The following PRR14L variants were observed in gnomAD, a reference collection of about 807,000 sequenced individuals.
PRR14L encodes protein PRR14L.
A neutral mutation model predicts 155.0 loss-of-function variants in PRR14L; 80 were observed. The ratio of observed to expected loss-of-function variants is 0.52; its 90% CI spans 0.43 to 0.62. The LOEUF (loss-of-function observed/expected upper bound fraction) is 0.62, where lower values mean the gene tolerates loss of function less well. PRR14L is among the 20% of genes least tolerant of loss of function. The pLI, the probability that PRR14L is intolerant of heterozygous loss-of-function variation, is 0.00. For missense variants in PRR14L, 2,469 were observed against 2,548.0 expected (o/e 0.97, Z 0.67); for synonymous variants, 883 against 916.0 (o/e 0.96, Z 0.65).
At position 31,693,453 on chromosome 22, in the gene PRR14L, G is replaced by A. The variant is rs558876002; in HGVS notation, c.6108-5226C>T. Among the ~76,000 whole-genome samples the A allele has an allele frequency of 3.3e-5, 5 of 152,250 alleles. No individual in the cohort carries two copies. The East Asian group carries it at 5.8e-4, about 18-fold the overall frequency. On this transcript the variant is annotated intron_variant, in intron 7 of 8. Transcript: ENST00000327423. The stretch of plus-strand genomic sequence containing the variant: ...GTACTGAGTAATATTCCATTGTCCA[G>A]ACAGTTTATTCATTCAGCTACTGAC...
At position 31,716,873 on chromosome 22, in the gene PRR14L, T is replaced by C. The variant is rs940160463; in HGVS notation, c.966A>G (p.Gln322=). Residue 322 remains glutamine, a synonymous_variant, in exon 4 of 9, where the codon CAA becomes CAG. Coordinates refer to ENST00000327423, the MANE Select transcript of PRR14L (RefSeq NM_173566.3). ...TGGGACTATCATGTGTAGAACTGGG[T>C]TGTTCATTATGGTGGCCATGAAGCT... ...HQQLHGHHNE[Q]PSSTHDSPTA... 1.9e-6 allele frequency: 3 copies of C among 1,551,960 alleles called. No individual in the cohort carries two copies. The highest frequency in any genetic ancestry group is 2.6e-6 in the Non-Finnish European group (3 of 1,147,052).
chr22:31,687,482 T>A (rs955693285), intron 8 of PRR14L, among the ~76,000 whole-genome samples: 3 of 150,888 alleles, frequency 2.0e-5, no homozygotes, highest in African/African-American at 7.3e-5. Flanking sequence ...GCCTCCCAAA[T>A]AGCTGGGATT....
intron 8 of PRR14L, among the ~76,000 whole-genome samples, chr22:31,687,131 G>C (rs558618540): frequency 0.015 from 2,211 of 152,034 alleles, 55 homozygotes; most frequent in African/African-American, 0.051. Context: ...TCCACCCCCC[G>C]GGTTCAAGCG....
intron 2 of PRR14L, among the ~76,000 whole-genome samples, chr22:31,726,115 T>C (rs756629743): frequency 4.0e-5 from 6 of 151,794 alleles, no homozygotes; most frequent in Non-Finnish European, 7.4e-5. Context: ...CCTGAAAACT[T>C]TTTAAAGTTG....
At chr22:31,696,370 A>C (rs1350961110) in intron 7 of PRR14L, among the ~76,000 whole-genome samples, 1 of 151,928 alleles carries the variant, frequency 6.6e-6, no homozygotes, top group African/African-American at 2.4e-5. Context: ...CGAACTTCTG[A>C]CCTCACAATC....
At chr22:31,688,101 T>A in intron 8 of PRR14L, 55 bp downstream of exon 8, 2 of 1,524,062 alleles carry the variant, frequency 1.3e-6, no homozygotes, top group Non-Finnish European at 1.8e-6. Context: ...GGGCTGGAGA[T>A]TCACATCAAT....
intron 1 of PRR14L, among the ~76,000 whole-genome samples, chr22:31,745,376 C>CAAAAAAT (rs371040161): frequency 2.0e-5 from 3 of 151,330 alleles, no homozygotes; most frequent in African/African-American, 7.3e-5. Flanking sequence ...GACTCCGTCT[C>CAAAAAAT]AAAAAATAAA....
At chr22:31,711,996 C>A (rs2074625625) in intron 4 of PRR14L, 87 bp downstream of exon 4, 2 of 1,262,060 alleles carry the variant, frequency 1.6e-6, no homozygotes, top group Non-Finnish European at 2.2e-6. Flanking sequence ...TCTAAATAGC[C>A]TTGCATTTCC....
In PRR14L at chr22:31,681,573, T is replaced by C. The variant is rs902409299; in HGVS notation, c.*3954A>G. On this transcript the variant is annotated 3_prime_UTR_variant, in exon 9 of 9. Coordinates refer to ENST00000327423, the MANE Select transcript of PRR14L (RefSeq NM_173566.3). Reference sequence around the variant, plus strand: ...CAGCCCAAGGAGATGCTGAGGCCTCTCACCAAGAATTCAAATCCAATTCAG... The same window carrying C: ...CAGCCCAAGGAGATGCTGAGGCCTCCCACCAAGAATTCAAATCCAATTCAG... 1 of 152,126 alleles carries C rather than the reference T, an allele frequency of 6.6e-6. No individual in the cohort carries two copies. The highest frequency in any genetic ancestry group is 1.5e-5 in the Non-Finnish European group (1 of 68,044). 9.4% of individuals were successfully genotyped at this position (152,126 alleles called of 1,614,324 possible).
At chr22:31,741,377 G>A (rs768383100) in intron 1 of PRR14L, among the ~76,000 whole-genome samples, 26 of 151,792 alleles carry the variant, frequency 1.7e-4, no homozygotes, top group Admixed American at 3.3e-4. Context: ...CACAAGAATC[G>A]CTTGAACCTG....
At chr22:31,746,461 TAGACAGGGATTTAC>T (rs1354950700) in intron 1 of PRR14L, among the ~76,000 whole-genome samples, 1 of 152,204 alleles carries the variant, frequency 6.6e-6, no homozygotes, top group African/African-American at 2.4e-5. Flanking sequence ...TTATAAAATG[TAGACAGGGATTTAC>T]AGCTTAATCT....
In PRR14L at chr22:31,716,917, C is replaced by A. The variant is rs1416362576; in HGVS notation, c.922G>T (p.Ala308Ser). The A allele has an allele frequency of 1.3e-6, 2 of 1,552,060 alleles. No individual in the cohort carries two copies. Among genetic ancestry groups the A allele is most frequent in the Admixed American group, 2.0e-5 (1 of 51,010 alleles). ...ELCKPNLVCE[A>S]DDNHQQLHGH... ...TGAAGCTGTTGGTGATTGTCATCTG[C>A]TTCACAGACCAGGTTTGGTTTACAC... The change falls in exon 4 of 9, where the codon GCA (alanine) becomes TCA (serine). Residue 308 changes from alanine to serine, a missense_variant. By Grantham distance (99) the Ala-to-Ser change is moderately conservative. This residue lies in a region of PRR14L where 2,363 missense variants were observed against 2,371.6 expected (regional missense o/e 1.00). Transcript: ENST00000327423.
At chr22:31,692,304 G>C (rs531630924) in intron 7 of PRR14L, among the ~76,000 whole-genome samples, 1 of 152,084 alleles carries the variant, frequency 6.6e-6, no homozygotes, top group Non-Finnish European at 1.5e-5. Context: ...ATAAGGGTTT[G>C]AGTTTCTCCA....
In PRR14L at chr22:31,716,300, G is replaced by A. The variant is rs1325376715; in HGVS notation, c.1539C>T (p.Ser513=). ...CTGCCTCTTCAATCTGCATCAAGGAGGAAAAACTGCTTTCTTCAGAGTGTC... is the reference window on the plus strand; with the variant it reads ...CTGCCTCTTCAATCTGCATCAAGGAAGAAAAACTGCTTTCTTCAGAGTGTC... ...PGGHSEESSF[S]SLMQIEEAGQ... is the part of the protein sequence containing the mutation. Residue 513 remains serine, a synonymous_variant, in exon 4 of 9, where the codon TCC becomes TCT. Transcript: ENST00000327423. The A allele has an allele frequency of 1.3e-6, 2 of 1,551,632 alleles. No homozygotes were observed. The highest frequency in any genetic ancestry group is 1.7e-6 in the Non-Finnish European group (2 of 1,146,978).
chr22:31,701,830 C>CCTTGTCTCAAA, intron 6 of PRR14L, 68 bp from the exon 7 acceptor site: 2 of 1,257,034 alleles, frequency 1.6e-6, no homozygotes, highest in Non-Finnish European at 2.3e-6. Flanking sequence ...TTTTTTGAGA[C>CCTTGTCTCAAA]AAGGTCTCAC....
chr22:31,748,677 A>C (rs868269332), intron 1 of PRR14L, among the ~76,000 whole-genome samples: 19 of 152,170 alleles, frequency 1.2e-4, no homozygotes, highest in South Asian at 8.3e-4. Context: ...CAGATGGAAG[A>C]TTTTTTGTCA....
chr22:31,688,308 G>C, intron 7 of PRR14L, 81 bp from the exon 8 acceptor site: 1 of 1,420,932 alleles, frequency 7.0e-7, no homozygotes. Context: ...TGTTGCCCAG[G>C]CTGAAGGGCA....
At chr22:31,709,398 T>C (rs968982209) in intron 4 of PRR14L, among the ~76,000 whole-genome samples, 2 of 150,208 alleles carry the variant, frequency 1.3e-5, no homozygotes, top group East Asian at 2.0e-4. Flanking sequence ...ATTACAGGCA[T>C]AAGCCACTAC....
chr22:31,722,152 G>A (rs921319974), intron 3 of PRR14L, among the ~76,000 whole-genome samples: 3 of 152,070 alleles, frequency 2.0e-5, no homozygotes, highest in South Asian at 2.1e-4. Flanking sequence ...AATCTGGGCC[G>A]GGCGCGGTGG....
Sources: gnomAD v4.1 joint callset for allele counts (sites outside exome capture counted in the v4.1 genomes callset) on GRCh38, gnomAD v4.1.1 for gene constraint, gnomAD v4.1.1 regional missense constraint, MANE v1.5 for transcripts, NCBI Gene and HGNC (gene_info 2026-07-23, HGNC 2026-07-21) for gene names.